Variants in ECE1 observed in about 807,000 individuals in gnomAD.
ECE1 encodes endothelin converting enzyme 1.
ECE1 carries 35 observed loss-of-function variants against 98.6 expected under a neutral mutation model. That is an observed-to-expected ratio of 0.35 (90% confidence interval 0.27 to 0.47). The LOEUF is 0.47. Among genes scored for constraint, ECE1 ranks in the 20% least tolerant of loss-of-function variants. The pLI is 1.00. For synonymous variants in ECE1, 394 were observed against 407.1 expected (o/e 0.97, Z 0.39); for missense variants, 814 against 1,025.3 (o/e 0.79, Z 2.81).
chr1:21,274,019 G>A lies in ECE1; in HGVS notation c.281-1108C>T, dbSNP rs377298891. 4.6e-5 allele frequency among the ~76,000 whole-genome samples: 7 copies of A among 152,314 alleles called. 1 individual carries two copies. In the East Asian group the frequency reaches 9.6e-4, roughly 21 times the overall value. On this transcript the variant is annotated intron_variant, in intron 3 of 18. Coordinates refer to ENST00000374893, the MANE Select transcript of ECE1 (RefSeq NM_001397.3). ...AATCACAGGCCCAGCCCCATCGTCC[G>A]TTTACCCAGGCTGTGCTGATGACCA...
chr1:21,282,214 C>T (rs1028000925), intron 2 of ECE1, among the ~76,000 whole-genome samples: 7 of 151,228 alleles, frequency 4.6e-5, no homozygotes, highest in Non-Finnish European at 7.4e-5. Context: ...TGCTTGAGCC[C>T]GGAAGGTCGA....
intron 2 of ECE1, among the ~76,000 whole-genome samples, chr1:21,283,033 C>T (rs574316906): frequency 6.6e-6 from 1 of 150,942 alleles, no homozygotes; most frequent in East Asian, 2.0e-4. Context: ...CCTTGGCCTC[C>T]CGGGTTCAAG....
At position 21,271,409 on chromosome 1, in the gene ECE1, A is replaced by G. The variant is rs28367960; in HGVS notation, c.493+1290T>C. On this transcript the variant is annotated intron_variant, in intron 4 of 18. Coordinates refer to ENST00000374893, the MANE Select transcript of ECE1 (RefSeq NM_001397.3). ...TTAAGATTCGTGTCCCTTTAAGAAG[A>G]TCTGTCCCCTTTTGGGTATCTTCTA... 5.4e-3 allele frequency among the ~76,000 whole-genome samples: 817 copies of G among 152,304 alleles called. 10 individuals carry two copies. Among genetic ancestry groups the G allele is most frequent in the African/African-American group, 0.019 (789 of 41,554 alleles).
Position 21,328,993 on chromosome 1 carries a change from C to T in ECE1, c.3+16383G>A, listed in dbSNP as rs559607699. Among the ~76,000 whole-genome samples the T allele has an allele frequency of 9.7e-4, 147 of 152,190 alleles. 1 individual carries two copies. The highest frequency in any genetic ancestry group is 2.5e-4 in the Non-Finnish European group (17 of 68,004). Reference sequence around the variant, plus strand: ...GCTGTTCATCATGACTGCTGCGAATCTCTCTCTAGACTCCCACCTCCCTTT... The same window carrying T: ...GCTGTTCATCATGACTGCTGCGAATTTCTCTCTAGACTCCCACCTCCCTTT... On this transcript the variant is annotated intron_variant, in intron 1 of 18. Coordinates refer to the ECE1 transcript ENST00000415912.
intron 14 of ECE1, among the ~76,000 whole-genome samples, chr1:21,231,801 A>G (rs2098182084): frequency 6.6e-6 from 1 of 152,154 alleles, no homozygotes. Context: ...TTTTGTAGAG[A>G]TGGGGTTTCA....
rs928741958 is a variant in ECE1 at position 21,322,459 on chromosome 1, G to A, written c.3+22917C>T. Among the ~76,000 whole-genome samples, 1 of 152,224 alleles carries A rather than the reference G, an allele frequency of 6.6e-6. No homozygotes were observed. The highest frequency in any genetic ancestry group is 1.5e-5 in the Non-Finnish European group (1 of 68,032). Reference sequence around the variant, plus strand: ...ACACCAGTGGGTTCTTTGGGGGCAGGAGAGCAACCAGCCCTTCTCACCTGG... The same window carrying A: ...ACACCAGTGGGTTCTTTGGGGGCAGAAGAGCAACCAGCCCTTCTCACCTGG... On this transcript the variant is annotated intron_variant, in intron 1 of 18. Transcript: ENST00000415912. The surrounding 1 kb of genome is among the most constrained non-coding windows in gnomAD (Gnocchi z 4.1).
chr1:21,312,018 G>C (rs1638735809), intron 1 of ECE1, among the ~76,000 whole-genome samples: 1 of 151,306 alleles, frequency 6.6e-6, no homozygotes, highest in South Asian at 2.1e-4. Flanking sequence ...AGCTACTGGG[G>C]AGGCTGAGGC....
At chr1:21,242,589 C>T (rs776019003) in intron 10 of ECE1, among the ~76,000 whole-genome samples, 10 of 152,146 alleles carry the variant, frequency 6.6e-5, no homozygotes, top group Non-Finnish European at 1.5e-4. Context: ...AACAGGTGAG[C>T]AGCAGCCTTC....
chr1:21,325,790 G>A (rs1639065127), intron 1 of ECE1, among the ~76,000 whole-genome samples: 1 of 152,262 alleles, frequency 6.6e-6, no homozygotes, highest in Admixed American at 6.5e-5. Flanking sequence ...CCACGGAGCA[G>A]ACATGAAACA....
At position 21,233,772 on chromosome 1, in the gene ECE1, C is replaced by T. The variant is rs1280606147; in HGVS notation, c.1567-111G>A. 2 of 1,023,768 alleles carry T rather than the reference C, an allele frequency of 2.0e-6. No individual in the cohort carries two copies. Among genetic ancestry groups the T allele is most frequent in the Non-Finnish European group, 1.5e-6 (1 of 673,886 alleles). The allele number at this position is 1,023,768 out of a possible 1,614,324, so 63.4% of individuals were successfully genotyped here. A position where few individuals can be genotyped will look rare whatever the true frequency, so the allele number is the denominator to read the frequency against. On this transcript the variant is annotated intron_variant, in intron 13 of 18. Coordinates refer to ENST00000374893, the MANE Select transcript of ECE1 (RefSeq NM_001397.3). This position sits in a 1 kb window ranked among gnomAD's most constrained non-coding sequence, Gnocchi z 4.0. ...AAGAGATTAATCTGCAGGCTGGAGA[C>T]CGGAATGCAGGGCTTGGGGCTGCAG...
intron 16 of ECE1, among the ~76,000 whole-genome samples, chr1:21,226,038 T>TGCCTAGGAAGAGGCAGATGGAGCCAGCTG (rs2098173754): frequency 6.6e-6 from 1 of 152,094 alleles, no homozygotes; most frequent in Admixed American, 6.6e-5. Flanking sequence ...GAGTAACAGA[T>TGCCTAGGAAGAGGCAGATGGAGCCAGCTG]GCCTAGGAAG....
chr1:21,236,954 G>T, intron 11 of ECE1, 110 bp from the exon 12 acceptor site: 2 of 1,076,350 alleles, frequency 1.9e-6, no homozygotes, highest in Non-Finnish European at 2.8e-6. Flanking sequence ...AATTTTCCAA[G>T]CGTCAGGCTG....
intron 10 of ECE1, among the ~76,000 whole-genome samples, chr1:21,241,901 C>A (rs2098196897): frequency 6.6e-6 from 1 of 152,144 alleles, no homozygotes; most frequent in Non-Finnish European, 1.5e-5. Context: ...TGCAGGAGAT[C>A]TATGAGTCAG....
intron 2 of ECE1, chr1:21,279,595 T>C: frequency 7.0e-7 from 1 of 1,435,172 alleles, no homozygotes; most frequent in Non-Finnish European, 9.1e-7. Flanking sequence ...TCACTCGATA[T>C]GAGTGGAAGG....
At chr1:21,240,069 G>C (rs916420745) in intron 10 of ECE1, among the ~76,000 whole-genome samples, 1 of 152,214 alleles carries the variant, frequency 6.6e-6, no homozygotes, top group Admixed American at 6.5e-5. Context: ...TACTCAGAAG[G>C]CTGAGGCAGG....
At chr1:21,255,039 C>G (rs966649286) in intron 8 of ECE1, among the ~76,000 whole-genome samples, 1 of 152,216 alleles carries the variant, frequency 6.6e-6, no homozygotes, top group Non-Finnish European at 1.5e-5. Flanking sequence ...GTGTCCCCCA[C>G]TAGCCAGGAA....
In ECE1 at chr1:21,327,556, C is replaced by T. The variant is rs1168886132; in HGVS notation, c.3+17820G>A. Among the ~76,000 whole-genome samples the T allele has an allele frequency of 1.3e-5, 2 of 152,168 alleles. No individual in the cohort carries two copies. The highest frequency in any genetic ancestry group is 4.8e-5 in the African/African-American group (2 of 41,440). On this transcript the variant is annotated intron_variant, in intron 1 of 18. Coordinates refer to the ECE1 transcript ENST00000415912. The surrounding 1 kb of genome is among the most constrained non-coding windows in gnomAD (Gnocchi z 4.6). ...CACCCCTTCGAGAACCGGGAGACCT[C>T]CACCCTGCTTGTTACACATTTTTGC... is the stretch of plus-strand genomic sequence containing the variant.
intron 2 of ECE1, among the ~76,000 whole-genome samples, chr1:21,288,128 G>A (rs939066255): frequency 1.3e-5 from 2 of 152,222 alleles, no homozygotes; most frequent in African/African-American, 4.8e-5. Flanking sequence ...CCACAAAAAT[G>A]CCCCAAATCC....
Position 21,258,652 on chromosome 1 carries a change from G to A in ECE1, c.762+41C>T, listed in dbSNP as rs758393079. The A allele has an allele frequency of 1.2e-5, 20 of 1,609,970 alleles. No individual in the cohort carries two copies. The South Asian group carries it at 1.5e-4, about 12-fold the overall frequency. On this transcript the variant is annotated intron_variant, in intron 6 of 18. Coordinates refer to ENST00000374893, the MANE Select transcript of ECE1 (RefSeq NM_001397.3). The surrounding 1 kb of genome is among the most constrained non-coding windows in gnomAD (Gnocchi z 4.2). The stretch of plus-strand genomic sequence containing the variant: ...GCTAAACTCAAAACAGGAAGAGGTC[G>A]TGCCCGCCCCCTCGACCGCTGCAGG...
Sources: gnomAD v4.1 joint callset for allele counts (sites outside exome capture counted in the v4.1 genomes callset) on GRCh38, gnomAD v4.1.1 for gene constraint, Gnocchi (gnomAD v3.1) non-coding constraint, MANE v1.5 for transcripts, NCBI Gene and HGNC (gene_info 2026-07-23, HGNC 2026-07-21) for gene names.